ACOT7: variants seen among roughly 807,000 people sequenced by gnomAD.
ACOT7 encodes cytosolic acyl coenzyme A thioester hydrolase.
A neutral mutation model predicts 40.2 loss-of-function variants in ACOT7; 12 were observed. The ratio of observed to expected loss-of-function variants is 0.30; its 90% CI spans 0.19 to 0.48. The LOEUF is 0.48. ACOT7 is among the 20% of genes least tolerant of loss of function. ACOT7 has a pLI of 0.99. For synonymous variants in ACOT7, 228 were observed against 219.5 expected (o/e 1.04, Z -0.34); for missense variants, 395 against 530.8 (o/e 0.74, Z 2.51).
At chr1:6,351,655 G>A (rs368132916) in intron 1 of ACOT7, among the ~76,000 whole-genome samples, 3 of 152,194 alleles carry the variant, frequency 2.0e-5, no homozygotes, top group Non-Finnish European at 2.9e-5. Context: ...AGAGCAGTGA[G>A]GAAACATCAG....
In ACOT7 at chr1:6,393,496, C is replaced by A. The variant is rs1642573980; in HGVS notation, c.-97G>T. 2.7e-6 allele frequency: 3 copies of A among 1,098,210 alleles called. No individual in the cohort carries two copies. Among genetic ancestry groups the A allele is most frequent in the Non-Finnish European group, 3.4e-6 (3 of 873,252 alleles). 68.0% of individuals were successfully genotyped at this position (1,098,210 alleles called of 1,614,324 possible). On this transcript the variant is annotated 5_prime_UTR_variant, in exon 1 of 9. Transcript: ENST00000361521. Reference sequence around the variant, plus strand: ...GGCCTCCCCGCGCCGACCCCGCCCCCGCGCCGGCCCCACCCCGAGCCCCGC... The same window carrying A: ...GGCCTCCCCGCGCCGACCCCGCCCCAGCGCCGGCCCCACCCCGAGCCCCGC...
chr1:6,323,385 G>C (rs1047894131), intron 5 of ACOT7, among the ~76,000 whole-genome samples: 5 of 152,232 alleles, frequency 3.3e-5, no homozygotes, highest in Non-Finnish European at 7.4e-5. Flanking sequence ...AGTGCCAGCT[G>C]TCCTGGGCAG....
At chr1:6,321,445 C>G (rs572351099) in intron 5 of ACOT7, among the ~76,000 whole-genome samples, 1 of 152,300 alleles carries the variant, frequency 6.6e-6, no homozygotes, top group South Asian at 2.1e-4. Context: ...CCACTCCACT[C>G]CCTTTCTCAC....
intron 5 of ACOT7, among the ~76,000 whole-genome samples, chr1:6,319,981 G>A (rs906509019): frequency 7.9e-5 from 12 of 152,248 alleles, no homozygotes; most frequent in African/African-American, 2.2e-4. Flanking sequence ...TCCTGCTCCC[G>A]TAAGCAGTAG....
chr1:6,331,020 A>C (rs1640938389), intron 4 of ACOT7, among the ~76,000 whole-genome samples: 1 of 152,210 alleles, frequency 6.6e-6, no homozygotes, highest in African/African-American at 2.4e-5. Flanking sequence ...GTGTGCTTGC[A>C]ATTCTGCGGA....
intron 7 of ACOT7, among the ~76,000 whole-genome samples, chr1:6,291,421 C>A (rs951042571): frequency 1.3e-5 from 2 of 152,110 alleles, no homozygotes; most frequent in Admixed American, 1.3e-4. Context: ...GGGGCAGGGA[C>A]GGATCCTCCC....
chr1:6,339,037 C>A (rs1444532347), intron 3 of ACOT7, among the ~76,000 whole-genome samples: 3 of 152,198 alleles, frequency 2.0e-5, no homozygotes, highest in Non-Finnish European at 1.5e-5. Flanking sequence ...GGAGCCAACA[C>A]CTCCCTACGC....
At chr1:6,335,610 A>G (rs1641079265) in intron 3 of ACOT7, among the ~76,000 whole-genome samples, 1 of 152,210 alleles carries the variant, frequency 6.6e-6, no homozygotes, top group African/African-American at 2.4e-5. Context: ...GGCCCTGCCC[A>G]AAACCCCCAG....
intron 1 of ACOT7, among the ~76,000 whole-genome samples, chr1:6,382,695 G>A (rs6692827): frequency 0.33 from 49,399 of 150,344 alleles, 12,757 homozygotes; most frequent in African/African-American, 0.71. Flanking sequence ...ACATGCCTGT[G>A]GTCCCAGCTA....
At chr1:6,343,565 GAA>G (rs1158807823) in intron 2 of ACOT7, among the ~76,000 whole-genome samples, 2 of 152,266 alleles carry the variant, frequency 1.3e-5, no homozygotes, top group East Asian at 3.8e-4. Flanking sequence ...GCGATGCCTG[GAA>G]CTGTCTCTTT....
intron 1 of ACOT7, among the ~76,000 whole-genome samples, chr1:6,350,372 G>A (rs567321968): frequency 1.3e-5 from 2 of 152,342 alleles, no homozygotes; most frequent in South Asian, 4.1e-4. Flanking sequence ...GTCAGCAGGT[G>A]AGCGCCTGCC....
intron 3 of ACOT7, among the ~76,000 whole-genome samples, chr1:6,339,147 CG>C (rs1168463228): frequency 6.6e-6 from 1 of 151,900 alleles, no homozygotes; most frequent in Non-Finnish European, 1.5e-5. Context: ...GAGCTGGCCA[CG>C]GGCAGCAGGA....
chr1:6,365,822 A>G, intron 1 of ACOT7, among the ~76,000 whole-genome samples: 1 of 151,950 alleles, frequency 6.6e-6, no homozygotes, highest in East Asian at 1.9e-4. Context: ...CTGAGCCTTC[A>G]GTGAGTGGTA....
intron 7 of ACOT7, among the ~76,000 whole-genome samples, chr1:6,284,172 A>G (rs1639433528): frequency 2.0e-5 from 3 of 152,056 alleles, no homozygotes; most frequent in Admixed American, 6.6e-5. Context: ...CATCCCACAC[A>G]TGACACCAAG....
chr1:6,294,487 C>A lies in ACOT7; in HGVS notation c.829+377G>T, dbSNP rs1211093521. 6.6e-6 allele frequency among the ~76,000 whole-genome samples: 1 copy of A among 152,204 alleles called. No individual in the cohort carries two copies. The highest frequency in any genetic ancestry group is 1.5e-5 in the Non-Finnish European group (1 of 68,036). On this transcript the variant is annotated intron_variant, in intron 7 of 8. Transcript: ENST00000361521. The surrounding 1 kb of genome is among the most constrained non-coding windows in gnomAD (Gnocchi z 4.6). ...CTTTTCTGTACTGACCCTGCCACTGCCTAAATCATGAATCATTAATTCCGC... is the reference window on the plus strand; with the variant it reads ...CTTTTCTGTACTGACCCTGCCACTGACTAAATCATGAATCATTAATTCCGC...
chr1:6,305,916 C>G lies in ACOT7; in HGVS notation c.713-10936G>C, dbSNP rs1458963611. Among the ~76,000 whole-genome samples, 11 of 152,030 alleles carry G rather than the reference C, an allele frequency of 7.2e-5. No homozygotes were observed. In the East Asian group the frequency reaches 2.0e-3, roughly 27 times the overall value. On this transcript the variant is annotated intron_variant, in intron 6 of 8. Transcript: ENST00000361521. ...TGGGCACCATTGAGCACTGAGTGAACGAGACTCCGTCTGCAATCCCGGCAC... is the reference window on the plus strand; with the variant it reads ...TGGGCACCATTGAGCACTGAGTGAAGGAGACTCCGTCTGCAATCCCGGCAC...
At chr1:6,390,282 T>C (rs1037022618) in intron 1 of ACOT7, among the ~76,000 whole-genome samples, 1 of 152,162 alleles carries the variant, frequency 6.6e-6, no homozygotes, top group African/African-American at 2.4e-5. Flanking sequence ...AGAAACAATA[T>C]GCAATTGGCC....
chr1:6,345,404 C>T (rs2148451014), intron 2 of ACOT7, among the ~76,000 whole-genome samples: 1 of 152,362 alleles, frequency 6.6e-6, no homozygotes, highest in South Asian at 2.1e-4. Flanking sequence ...AATCCTAGCT[C>T]TACTGCTTAC....
intron 3 of ACOT7, among the ~76,000 whole-genome samples, chr1:6,337,091 C>T (rs1302448899): frequency 2.7e-4 from 41 of 152,376 alleles, no homozygotes; most frequent in Non-Finnish European, 1.0e-4. Context: ...GCAAGCGTAT[C>T]CTGCCTTCTC....
Sources: allele counts gnomAD v4.1 joint callset (sites outside exome capture counted in the v4.1 genomes callset), GRCh38; gene constraint gnomAD v4.1.1; non-coding constraint Gnocchi (gnomAD v3.1); transcripts MANE v1.5; gene names NCBI Gene and HGNC (gene_info 2026-07-23, HGNC 2026-07-21).